Variants in PLEKHH1 observed in about 807,000 individuals in gnomAD.
The protein encoded by PLEKHH1 is pleckstrin homology domain-containing family H member 1.
In PLEKHH1, 104 loss-of-function variants were observed where a neutral mutation model predicts 160.0. That is an observed-to-expected ratio of 0.65 (90% CI 0.55 to 0.76). The LOEUF (loss-of-function observed/expected upper bound fraction) is 0.76. Ranked by LOEUF, PLEKHH1 falls within the 30% of genes least tolerant of loss-of-function variation. The probability of loss-of-function intolerance (pLI) is 0.00; values close to 1 mark genes in which losing one functional copy is unlikely to be tolerated. For missense variants in PLEKHH1, 1,427 were observed against 1,724.1 expected, an observed-to-expected ratio of 0.83 and a Z score of 3.05; for synonymous variants, 619 against 678.4, an observed-to-expected ratio of 0.91 and a Z score of 1.36.
At chr14:67,536,641 C>A (rs922095133) in intron 1 of PLEKHH1, among the ~76,000 whole-genome samples, 25 of 151,896 alleles carry the variant, frequency 1.6e-4, no homozygotes, top group African/African-American at 5.8e-4. Flanking sequence ...TAGGGAGCTA[C>A]CAGGATATTC....
At chr14:67,580,055 A>C (rs1289791685) in intron 22 of PLEKHH1, 179 bp downstream of exon 22, 7 of 601,908 alleles carry the variant, frequency 1.2e-5, no homozygotes. Context: ...GGGAGAAAAA[A>C]GCTGTTGTGT....
intron 9 of PLEKHH1, 58 bp from the exon 10 acceptor site, chr14:67,571,694 G>A (rs2035382597): frequency 1.9e-6 from 3 of 1,576,486 alleles, no homozygotes; most frequent in East Asian, 4.5e-5. Context: ...AAGCTGCAGG[G>A]TTGGGAGAGG....
At chr14:67,567,285 G>A (rs538099660) in intron 7 of PLEKHH1, among the ~76,000 whole-genome samples, 2 of 152,232 alleles carry the variant, frequency 1.3e-5, no homozygotes, top group Admixed American at 1.3e-4. Flanking sequence ...TCAATCTGAC[G>A]GTGTGAGAAA....
intron 9 of PLEKHH1, 98 bp downstream of exon 9, chr14:67,570,110 C>T (rs1056542078): frequency 1.2e-6 from 1 of 868,572 alleles, no homozygotes; most frequent in East Asian, 2.7e-5. Context: ...CAGGCTTCTG[C>T]ACATGGTGAC....
intron 5 of PLEKHH1, 59 bp downstream of exon 5, chr14:67,559,750 C>A: frequency 1.8e-6 from 2 of 1,116,500 alleles, no homozygotes; most frequent in East Asian, 2.5e-5. Flanking sequence ...TGCCCTGACC[C>A]CCGGAGTTTC....
intron 1 of PLEKHH1, among the ~76,000 whole-genome samples, chr14:67,538,231 T>G (rs1327937019): frequency 6.6e-6 from 1 of 152,230 alleles, no homozygotes; most frequent in Non-Finnish European, 1.5e-5. Flanking sequence ...ATGAGATATC[T>G]GCTACCACTA....
rs970997266 is a variant in PLEKHH1 at position 67,557,319 on chromosome 14, C to T, written c.240C>T (p.Asp80=). Reference sequence around the variant, plus strand: ...AACTATCCAATCTGAAGAATGTGGACTCTGAGGGGAGCCTGCACCGGAAAT... The same window carrying T: ...AACTATCCAATCTGAAGAATGTGGATTCTGAGGGGAGCCTGCACCGGAAAT... ...KVKLSNLKNV[D]SEGSLHRKYQ... Residue 80 remains aspartate (D), a synonymous_variant, in exon 4 of 29, where the codon GAC becomes GAT. Coordinates refer to ENST00000329153, the MANE Select transcript of PLEKHH1 (RefSeq NM_020715.3). The T allele has an allele frequency of 6.8e-6, 11 of 1,613,640 alleles. No homozygotes were observed. Among genetic ancestry groups the T allele is most frequent in the Non-Finnish European group, 9.3e-6 (11 of 1,179,564 alleles).
At chr14:67,544,043 G>T (rs569408841) in intron 2 of PLEKHH1, among the ~76,000 whole-genome samples, 2 of 152,254 alleles carry the variant, frequency 1.3e-5, no homozygotes, top group East Asian at 3.9e-4. Flanking sequence ...CCAGCTGGAG[G>T]TTGGAGCTGA....
intron 1 of PLEKHH1, among the ~76,000 whole-genome samples, chr14:67,539,083 G>A (rs1277630192): frequency 6.6e-6 from 1 of 152,064 alleles, no homozygotes; most frequent in East Asian, 1.9e-4. Flanking sequence ...TTATTTCTTA[G>A]CCCTGAACTG....
intron 1 of PLEKHH1, among the ~76,000 whole-genome samples, chr14:67,541,613 T>C (rs933081942): frequency 3.3e-5 from 5 of 152,172 alleles, no homozygotes; most frequent in African/African-American, 1.2e-4. Flanking sequence ...GGTTTCGCGG[T>C]TTCCTGAGGC....
intron 2 of PLEKHH1, among the ~76,000 whole-genome samples, chr14:67,548,639 G>A (rs2034273958): frequency 1.3e-5 from 2 of 152,210 alleles, no homozygotes; most frequent in South Asian, 4.1e-4. Flanking sequence ...AGAGGTTGCG[G>A]TGAGCCAAGA....
rs555185721 is a variant in PLEKHH1, at chr14:67,543,606, G to A, written c.126+1613G>A. Among the ~76,000 whole-genome samples the A allele has an allele frequency of 2.0e-4, 31 of 152,174 alleles. 1 individual carries two copies. The highest frequency in any genetic ancestry group is 1.7e-3 in the East Asian group (9 of 5,186). On this transcript the variant is annotated intron_variant, in intron 2 of 28. Transcript: ENST00000329153. ...CTAATAATCTGCATGTTTAACAAGCGTCCAGAAAATCATTCTGTACACTAT... is the reference window on the plus strand; with the variant it reads ...CTAATAATCTGCATGTTTAACAAGCATCCAGAAAATCATTCTGTACACTAT...
At chr14:67,560,727 CTT>C (rs11433194) in intron 5 of PLEKHH1, among the ~76,000 whole-genome samples, 87 of 126,408 alleles carry the variant, frequency 6.9e-4, no homozygotes, top group African/African-American at 1.5e-3. Context: ...GAACATATAT[CTT>C]TTTTTTTTTT....
chr14:67,589,266 A>C lies in PLEKHH1; in HGVS notation c.*2031A>C, dbSNP rs1044951697. Reference sequence around the variant, plus strand: ...CTCCCCAACCCTTCAGGAACCCTTTAGTTTATTAATCTTATACAGAAGAAA... The same window carrying C: ...CTCCCCAACCCTTCAGGAACCCTTTCGTTTATTAATCTTATACAGAAGAAA... On this transcript the variant is annotated 3_prime_UTR_variant, in exon 29 of 29. Transcript: ENST00000329153. The C allele has an allele frequency of 4.9e-5, 41 of 833,518 alleles. No individual in the cohort carries two copies. The South Asian group carries it at 1.5e-3, about 31-fold the overall frequency. 51.6% of individuals were successfully genotyped at this position (833,518 alleles called of 1,614,324 possible).
chr14:67,586,914 GCA>G (rs1401342200), intron 28 of PLEKHH1, 158 bp from the exon 29 acceptor site: 1 of 1,536,820 alleles, frequency 6.5e-7, no homozygotes, highest in Non-Finnish European at 8.7e-7. Flanking sequence ...CCTCTGAACA[GCA>G]CAGTTATGAT....
intron 14 of PLEKHH1, 97 bp from the exon 15 acceptor site, chr14:67,575,295 G>A (rs2035572893): frequency 1.4e-6 from 1 of 712,480 alleles, no homozygotes; most frequent in South Asian, 1.9e-5. Flanking sequence ...CTCTACCATA[G>A]GTCAAATCTG....
rs114221987 is a variant in PLEKHH1, at chr14:67,569,257, G to A, written c.1342+41G>A. 2.0e-3 allele frequency: 2,859 copies of A among 1,399,546 alleles called. 74 individuals are homozygous for A. The African/African-American group carries it at 0.035, about 17-fold the overall frequency. The allele number at this position is 1,399,546 out of a possible 1,614,324, so 86.7% of individuals were successfully genotyped here. On this transcript the variant is annotated intron_variant, in intron 8 of 28. Coordinates refer to ENST00000329153, the MANE Select transcript of PLEKHH1 (RefSeq NM_020715.3). ...GGCTTGGAGGCACCAAACACCCAAG[G>A]TGGGCAGGGTGGGCAAGCGGGGAGG... is the stretch of plus-strand genomic sequence containing the variant.
chr14:67,567,618 G>A (rs1043434828), intron 7 of PLEKHH1, among the ~76,000 whole-genome samples: 2 of 151,930 alleles, frequency 1.3e-5, no homozygotes, highest in South Asian at 2.1e-4. Flanking sequence ...GTCTCCTGCC[G>A]CCCCTCCAGT....
rs750039536 is a variant in PLEKHH1, at chr14:67,541,945, C to A, written c.78C>A (p.Phe26Leu). The change falls in exon 2 of 29, where the codon TTC becomes TTA. Residue 26 changes from phenylalanine to leucine, a missense_variant. Coordinates refer to ENST00000329153, the MANE Select transcript of PLEKHH1 (RefSeq NM_020715.3). ...KRCLTLETQL[F>L]RFRLQASKIR... Reference sequence around the variant, plus strand: ...GCCTGACCCTGGAAACTCAGCTTTTCCGGTTCCGCCTACAGGCCAGCAAGA... The same window carrying A: ...GCCTGACCCTGGAAACTCAGCTTTTACGGTTCCGCCTACAGGCCAGCAAGA... 6.2e-7 allele frequency: 1 copy of A among 1,607,538 alleles called. No individual in the cohort carries two copies. The highest frequency in any genetic ancestry group is 8.5e-7 in the Non-Finnish European group (1 of 1,177,238).
Sources: allele counts gnomAD v4.1 joint callset (sites outside exome capture counted in the v4.1 genomes callset), GRCh38; gene constraint gnomAD v4.1.1; transcripts MANE v1.5; gene names NCBI Gene and HGNC (gene_info 2026-07-23, HGNC 2026-07-21).